Variants in UBR1 observed in about 807,000 individuals in gnomAD.
UBR1 encodes E3 ubiquitin-protein ligase UBR1.
In UBR1, 102 loss-of-function variants were observed where a neutral mutation model predicts 242.1. The observed-to-expected ratio is 0.42, with a 90% CI of 0.36 to 0.50. The LOEUF (loss-of-function observed/expected upper bound fraction) is 0.50, where lower values mean the gene tolerates loss of function less well. Ranked by LOEUF, UBR1 falls within the 20% of genes least tolerant of loss-of-function variation. The pLI is 0.01. For missense variants in UBR1, 1,772 were observed against 2,101.8 expected, an observed-to-expected ratio of 0.84 and a Z score of 3.07; for synonymous variants, 675 against 684.8, an observed-to-expected ratio of 0.99 and a Z score of 0.22.
At position 43,086,220 on chromosome 15, in the gene UBR1, A is replaced by G; in HGVS notation, c.102T>C (p.Asp34=). ...RLASWWDQQV[D]FYTAFLHHLA... is the part of the protein sequence containing the mutation. ...AATGATGCAAGAAAGCAGTATAAAA[A>G]TCAACTTGCTGATCCCACCACTAAA... Residue 34 remains aspartate, a synonymous_variant, in exon 2 of 47, where the codon GAT becomes GAC. Coordinates refer to ENST00000290650, the MANE Select transcript of UBR1 (RefSeq NM_174916.3). 6.2e-7 allele frequency: 1 copy of G among 1,614,038 alleles called. No homozygotes were observed.
At chr15:43,001,748 C>T (rs2032728468) in intron 32 of UBR1, among the ~76,000 whole-genome samples, 2 of 152,116 alleles carry the variant, frequency 1.3e-5, no homozygotes. Context: ...ACTCAAAATG[C>T]TTAAAACACT....
chr15:43,017,049 C>T (rs899457520), intron 28 of UBR1, 46 bp downstream of exon 28: 2 of 1,491,296 alleles, frequency 1.3e-6, no homozygotes, highest in Admixed American at 1.7e-5. Flanking sequence ...AGTTCAAAGA[C>T]AGAGATGAAT....
intron 3 of UBR1, among the ~76,000 whole-genome samples, chr15:43,079,552 G>C (rs1016887665): frequency 6.6e-6 from 1 of 151,996 alleles, no homozygotes; most frequent in African/African-American, 2.4e-5. Context: ...GGACGAGGCG[G>C]GTGGATCATG....
intron 35 of UBR1, 38 bp downstream of exon 35, chr15:42,988,781 C>A: frequency 1.2e-6 from 2 of 1,613,712 alleles, no homozygotes; most frequent in Non-Finnish European, 1.7e-6. Context: ...AGTTAATTCT[C>A]ACTGAAACCT....
intron 1 of UBR1, among the ~76,000 whole-genome samples, chr15:43,102,911 G>A (rs2141374359): frequency 6.6e-6 from 1 of 152,310 alleles, no homozygotes; most frequent in South Asian, 2.1e-4. Context: ...GCTCACGCCT[G>A]TAATCCCACC....
intron 6 of UBR1, among the ~76,000 whole-genome samples, chr15:43,065,863 G>T (rs1288379603): frequency 6.6e-6 from 1 of 151,980 alleles, no homozygotes; most frequent in African/African-American, 2.4e-5. Flanking sequence ...TTGTAGACTG[G>T]GTACTAAACC....
intron 29 of UBR1, among the ~76,000 whole-genome samples, chr15:43,013,529 T>C (rs1272155771): frequency 6.6e-6 from 1 of 152,212 alleles, no homozygotes; most frequent in Non-Finnish European, 1.5e-5. Context: ...AAAGAATTTG[T>C]TTCCAATAAT....
At chr15:43,075,234 C>T in intron 3 of UBR1, 145 bp from the exon 4 acceptor site, 1 of 750,798 alleles carries the variant, frequency 1.3e-6, no homozygotes, top group Non-Finnish European at 2.3e-6. Context: ...TAACAAAAAC[C>T]ATTTTCGATT....
chr15:42,976,418 T>C (rs1322752660), intron 39 of UBR1, among the ~76,000 whole-genome samples: 1 of 152,128 alleles, frequency 6.6e-6, no homozygotes, highest in Non-Finnish European at 1.5e-5. Context: ...TTGAAAAAAC[T>C]CATGTAGGGA....
chr15:43,079,985 A>G (rs1038212598), intron 3 of UBR1, among the ~76,000 whole-genome samples: 2 of 152,258 alleles, frequency 1.3e-5, no homozygotes, highest in Non-Finnish European at 2.9e-5. Flanking sequence ...GATTTTGAAC[A>G]TGTCAGGACT....
chr15:43,103,838 G>A (rs927019831), intron 1 of UBR1, among the ~76,000 whole-genome samples: 3 of 152,172 alleles, frequency 2.0e-5, no homozygotes, highest in African/African-American at 7.2e-5. Flanking sequence ...AACTGAGCTT[G>A]TATTGCTTAA....
intron 33 of UBR1, among the ~76,000 whole-genome samples, chr15:42,991,133 T>G (rs2032551428): frequency 4.0e-5 from 6 of 151,826 alleles, no homozygotes; most frequent in South Asian, 2.1e-4. Flanking sequence ...AAAATTAGCC[T>G]GGCGTGGTGG....
At chr15:42,964,087 C>T in intron 41 of UBR1, 44 bp from the exon 42 acceptor site, 1 of 1,308,276 alleles carries the variant, frequency 7.6e-7, no homozygotes, top group Non-Finnish European at 1.1e-6. Flanking sequence ...ATTATTCTTA[C>T]CTGGTCAATC....
Position 43,043,296 on chromosome 15 carries a change from C to T in UBR1, c.1768G>A (p.Gly590Arg). 6.2e-7 allele frequency: 1 copy of T among 1,613,976 alleles called. No individual in the cohort carries two copies. The highest frequency in any genetic ancestry group is 1.1e-5 in the South Asian group (1 of 91,064). The change falls in exon 15 of 47, where the codon GGA becomes AGA. Residue 590 changes from glycine (G) to arginine (R), a missense_variant. This residue lies in a region of UBR1 where 734 missense variants were observed against 893.3 expected (regional missense o/e 0.82). Coordinates refer to ENST00000290650, the MANE Select transcript of UBR1 (RefSeq NM_174916.3). ...SSSKTVVQSC[G>R]HSLETKSYRV... Reference sequence around the variant, plus strand: ...TAGGACTTTGTTTCCAAACTATGTCCACACGATTGTACTACTGTCTTGCTA... The same window carrying T: ...TAGGACTTTGTTTCCAAACTATGTCTACACGATTGTACTACTGTCTTGCTA...
chr15:42,971,985 C>T (rs1477204482), intron 39 of UBR1, among the ~76,000 whole-genome samples: 1 of 152,140 alleles, frequency 6.6e-6, no homozygotes. Context: ...CAGTGTTGTA[C>T]GCTTGTTATA....
intron 46 of UBR1, among the ~76,000 whole-genome samples, chr15:42,949,726 G>A (rs913102540): frequency 4.9e-4 from 75 of 151,884 alleles, no homozygotes; most frequent in African/African-American, 1.7e-3. Context: ...TTGAACCCAG[G>A]AGGCAGAGGT....
At chr15:43,027,064 A>G (rs2033187913) in intron 22 of UBR1, among the ~76,000 whole-genome samples, 1 of 152,156 alleles carries the variant, frequency 6.6e-6, no homozygotes, top group Admixed American at 6.5e-5. Flanking sequence ...GGGAGACATC[A>G]TAACCTTAGT....
chr15:42,945,491 A>C, intron 46 of UBR1, 21 bp from the exon 47 acceptor site: 2 of 1,613,606 alleles, frequency 1.2e-6, no homozygotes, highest in Non-Finnish European at 1.7e-6. Flanking sequence ...AAAAGAAAAA[A>C]CAACATGTAA....
At chr15:43,095,281 A>C (rs1318838056) in intron 1 of UBR1, among the ~76,000 whole-genome samples, 1 of 152,254 alleles carries the variant, frequency 6.6e-6, no homozygotes, top group East Asian at 1.9e-4. Flanking sequence ...CCATAAAGAC[A>C]TTAAGTAGTT....
Sources: gnomAD v4.1 joint callset for allele counts (sites outside exome capture counted in the v4.1 genomes callset) on GRCh38, gnomAD v4.1.1 for gene constraint, gnomAD v4.1.1 regional missense constraint, MANE v1.5 for transcripts, NCBI Gene and HGNC (gene_info 2026-07-23, HGNC 2026-07-21) for gene names.